The following ASCC3 variants were observed in gnomAD, a reference collection of about 807,000 sequenced individuals.
The protein encoded by ASCC3 is ASC-1 complex subunit P200.
ASCC3 carries 158 observed loss-of-function variants against 256.3 expected under a neutral mutation model. The observed-to-expected ratio is 0.62, with a 90% CI of 0.54 to 0.70. The LOEUF is 0.70. Ranked by LOEUF, ASCC3 falls within the 30% of genes least tolerant of loss-of-function variation. ASCC3 has a pLI of 0.00. For synonymous variants in ASCC3, 948 were observed against 883.4 expected (o/e 1.07, Z -1.30); for missense variants, 2,259 against 2,626.0 (o/e 0.86, Z 3.05).
In ASCC3 at chr6:100,763,010, A is replaced by C. The variant is rs556873044; in HGVS notation, c.1737+3555T>G. 1.1e-4 allele frequency among the ~76,000 whole-genome samples: 16 copies of C among 152,338 alleles called. No individual in the cohort carries two copies. In the South Asian group the frequency reaches 3.3e-3, roughly 32 times the overall value. ...TTATTGGGAAACTTATTTACCAAAA[A>C]TATATAACATGAATAATTAAGAAGC... On this transcript the variant is annotated intron_variant, in intron 10 of 41. Transcript: ENST00000369162.
At chr6:100,830,952 CAGTTA>C (rs1351379113) in intron 4 of ASCC3, among the ~76,000 whole-genome samples, 1 of 152,180 alleles carries the variant, frequency 6.6e-6, no homozygotes, top group Non-Finnish European at 1.5e-5. Context: ...ATAAAGGCTA[CAGTTA>C]AGTTATTCTT....
At chr6:100,643,011 G>A (rs1333036949) in intron 23 of ASCC3, among the ~76,000 whole-genome samples, 1 of 152,014 alleles carries the variant, frequency 6.6e-6, no homozygotes, top group Non-Finnish European at 1.5e-5. Context: ...TTACCAATTT[G>A]ACTACCTGAA....
chr6:100,862,594 A>G (rs62422114), intron 3 of ASCC3, among the ~76,000 whole-genome samples: 2,029 of 152,290 alleles, frequency 0.013, 19 homozygotes, highest in Non-Finnish European at 0.023. Context: ...CTACCAAGGA[A>G]TCACCTGAGA....
chr6:100,518,088 T>C lies in ASCC3; in HGVS notation c.5830A>G (p.Thr1944Ala), dbSNP rs771846135. 3.1e-6 allele frequency: 5 copies of C among 1,613,660 alleles called. No homozygotes were observed. The South Asian group carries it at 4.4e-5, about 14-fold the overall frequency. ...TGGATCACCATCTGAATCAGGTTGG[T>C]GATATTCAGGACAGTCACCAGCCAG... ...QGWLVTVLNI[T>A]NLIQMVIQGR... Residue 1944 changes from threonine (T) to alanine (A), a missense_variant, in exon 38 of 42, where the codon ACC becomes GCC. By Grantham distance (58) the Thr-to-Ala change is moderately conservative. Transcript: ENST00000369162.
intron 24 of ASCC3, among the ~76,000 whole-genome samples, chr6:100,639,070 CCTT>C (rs1236470081): frequency 6.6e-6 from 1 of 152,084 alleles, no homozygotes; most frequent in African/African-American, 2.4e-5. Flanking sequence ...AATGCCATAT[CCTT>C]CTTTTTCCAA....
intron 30 of ASCC3, among the ~76,000 whole-genome samples, chr6:100,610,168 T>C (rs1296479774): frequency 6.6e-6 from 1 of 152,240 alleles, no homozygotes; most frequent in Non-Finnish European, 1.5e-5. Context: ...ATAACTTTTA[T>C]ATGCCTGAGA....
chr6:100,558,819 T>C (rs1769767724), intron 36 of ASCC3, among the ~76,000 whole-genome samples: 1 of 152,198 alleles, frequency 6.6e-6, no homozygotes, highest in African/African-American at 2.4e-5. Context: ...TTCCATATTA[T>C]GTCCTCTGGC....
intron 37 of ASCC3, 55 bp from the exon 38 acceptor site, chr6:100,518,197 C>T: frequency 6.3e-7 from 1 of 1,587,716 alleles, no homozygotes; most frequent in Non-Finnish European, 8.6e-7. Context: ...CTTGCCCCCT[C>T]CACTGGGATT....
At chr6:100,578,260 GTAAT>G (rs374563201) in intron 36 of ASCC3, among the ~76,000 whole-genome samples, 4 of 152,146 alleles carry the variant, frequency 2.6e-5, no homozygotes, top group East Asian at 1.9e-4. Context: ...AATCAATTAA[GTAAT>G]TAATTAAACT....
intron 36 of ASCC3, among the ~76,000 whole-genome samples, chr6:100,567,646 G>A (rs1770338569): frequency 6.6e-6 from 1 of 152,168 alleles, no homozygotes; most frequent in Admixed American, 6.5e-5. Context: ...TTATAGGTGA[G>A]AACCTGCAGA....
chr6:100,542,116 T>C (rs182974259), intron 36 of ASCC3, among the ~76,000 whole-genome samples: 39 of 152,294 alleles, frequency 2.6e-4, no homozygotes, highest in Admixed American at 2.5e-3. Flanking sequence ...TTTGAAGATA[T>C]AGTCACTGGA....
At chr6:100,838,162 T>A (rs528739222) in intron 4 of ASCC3, among the ~76,000 whole-genome samples, 1 of 152,170 alleles carries the variant, frequency 6.6e-6, no homozygotes, top group African/African-American at 2.4e-5. Context: ...AAAGAAAAAC[T>A]ATGCAATTTA....
intron 13 of ASCC3, among the ~76,000 whole-genome samples, chr6:100,713,640 G>C (rs1329184310): frequency 6.6e-6 from 1 of 152,110 alleles, no homozygotes; most frequent in Non-Finnish European, 1.5e-5. Flanking sequence ...CACTGTGCTT[G>C]TGTGGGAGTA....
rs770409792 is a variant in ASCC3 at position 100,718,156 on chromosome 6, G to A, written c.1998C>T (p.Tyr666=). Residue 666 remains tyrosine, a synonymous_variant, in exon 12 of 42, where the codon TAC becomes TAT. Transcript: ENST00000369162. The part of the protein sequence containing the change: ...DVATFLHVNP[Y]IGLFFFDGRF... ...GGCCATCAAAGAAGAAAAGTCCAAT[G>A]TATGGATTAACATGTAAAAATGTGG... 5.0e-6 allele frequency: 8 copies of A among 1,613,588 alleles called. No individual in the cohort carries two copies. In the African/African-American group the frequency reaches 8.0e-5, roughly 16 times the overall value.
At chr6:100,526,299 T>C (rs1031122046) in intron 37 of ASCC3, among the ~76,000 whole-genome samples, 12 of 152,186 alleles carry the variant, frequency 7.9e-5, no homozygotes, top group Non-Finnish European at 1.0e-4. Context: ...CTTAAGTGAA[T>C]TGATCACACA....
chr6:100,558,264 C>A (rs1239204627), intron 36 of ASCC3, among the ~76,000 whole-genome samples: 1 of 151,948 alleles, frequency 6.6e-6, no homozygotes, highest in Non-Finnish European at 1.5e-5. Flanking sequence ...AAAAAATTTT[C>A]TATATGATTG....
intron 37 of ASCC3, among the ~76,000 whole-genome samples, chr6:100,535,628 C>T (rs1357300078): frequency 6.6e-6 from 1 of 151,952 alleles, no homozygotes; most frequent in African/African-American, 2.4e-5. Context: ...ACTACCACCC[C>T]CGGCTAATTC....
At chr6:100,828,605 C>A (rs147414419) in intron 4 of ASCC3, among the ~76,000 whole-genome samples, 3,048 of 152,248 alleles carry the variant, frequency 0.02, 104 homozygotes, top group Admixed American at 0.088. Context: ...TGTGGTCTCA[C>A]TGGCTCAGGA....
rs377457795 is a variant in ASCC3, at chr6:100,589,873, A to T, written c.5415+75T>A. 51 of 1,591,350 alleles carry T rather than the reference A, an allele frequency of 3.2e-5. No individual in the cohort carries two copies. In the East Asian group the frequency reaches 9.7e-4, roughly 30 times the overall value. On this transcript the variant is annotated intron_variant, in intron 35 of 41. Coordinates refer to ENST00000369162, the MANE Select transcript of ASCC3 (RefSeq NM_006828.4). Reference sequence around the variant, plus strand: ...TGAAACAATTTTTTAAAAAATTTTGATAGTATTAAAAGCAAAAGACCTGTC... The same window carrying T: ...TGAAACAATTTTTTAAAAAATTTTGTTAGTATTAAAAGCAAAAGACCTGTC...
Sources: allele counts gnomAD v4.1 joint callset (sites outside exome capture counted in the v4.1 genomes callset), GRCh38; gene constraint gnomAD v4.1.1; transcripts MANE v1.5; gene names NCBI Gene and HGNC (gene_info 2026-07-23, HGNC 2026-07-21).